SDCCAG8: variants seen among roughly 807,000 people sequenced by gnomAD.
The protein encoded by SDCCAG8 is serologically defined colon cancer antigen 8.
Under a neutral mutation model 101.8 loss-of-function variants are expected in SDCCAG8, and 74 were observed. The ratio of observed to expected loss-of-function variants is 0.73; its 90% CI spans 0.60 to 0.88. SDCCAG8 has a LOEUF of 0.88. Among genes scored for constraint, SDCCAG8 ranks in the 40% least tolerant of loss-of-function variants. The probability of loss-of-function intolerance (pLI) is 0.00; values close to 1 mark genes in which losing one functional copy is unlikely to be tolerated. For missense variants in SDCCAG8, 787 were observed against 822.6 expected (o/e 0.96, Z 0.53); for synonymous variants, 281 against 292.9 (o/e 0.96, Z 0.41).
chr1:243,367,888 C>T (rs914034528), intron 12 of SDCCAG8, among the ~76,000 whole-genome samples: 2 of 151,476 alleles, frequency 1.3e-5, no homozygotes, highest in Non-Finnish European at 1.5e-5. Context: ...ATTGGAATGT[C>T]AAGTACATGG....
chr1:243,386,781 G>A (rs2078329328), intron 13 of SDCCAG8, among the ~76,000 whole-genome samples: 2 of 151,834 alleles, frequency 1.3e-5, no homozygotes, highest in African/African-American at 4.8e-5. Flanking sequence ...GAGAGAGAGA[G>A]AGAGAGAGAA....
intron 17 of SDCCAG8, among the ~76,000 whole-genome samples, chr1:243,497,225 CA>C (rs1397640716): frequency 2.0e-5 from 3 of 150,864 alleles, no homozygotes; most frequent in African/African-American, 7.3e-5. Flanking sequence ...TGTGTGTTAC[CA>C]AAGAGTCAGC....
At position 243,378,853 on chromosome 1, in the gene SDCCAG8, C is replaced by T. The variant is rs1451546982; in HGVS notation, c.1606C>T (p.His536Tyr). ...ELLGESEHQL[H>Y]LTRQEKDSIQ... ...GCTGGGCGAATCTGAGCACCAACTGCACCTCACCAGGTACTCCCTAATCCC... is the reference window on the plus strand; with the variant it reads ...GCTGGGCGAATCTGAGCACCAACTGTACCTCACCAGGTACTCCCTAATCCC... Residue 536 changes from histidine to tyrosine, a missense_variant, in exon 13 of 18, where the codon CAC becomes TAC. Coordinates refer to ENST00000366541, the MANE Select transcript of SDCCAG8 (RefSeq NM_006642.5). 1.2e-6 allele frequency: 2 copies of T among 1,614,050 alleles called. No individual in the cohort carries two copies. Among genetic ancestry groups the T allele is most frequent in the South Asian group, 2.2e-5 (2 of 91,084 alleles).
At chr1:243,354,653 G>C (rs1276401635) in intron 12 of SDCCAG8, among the ~76,000 whole-genome samples, 1 of 152,156 alleles carries the variant, frequency 6.6e-6, no homozygotes, top group Non-Finnish European at 1.5e-5. Context: ...ATGATGATCA[G>C]GAATACATTG....
chr1:243,492,258 T>C (rs1242824359), intron 17 of SDCCAG8, among the ~76,000 whole-genome samples: 2 of 148,546 alleles, frequency 1.3e-5, no homozygotes, highest in Non-Finnish European at 1.5e-5. Context: ...TGGGCAGGAC[T>C]CAGGGCACTG....
intron 6 of SDCCAG8, among the ~76,000 whole-genome samples, chr1:243,296,561 G>C (rs1306940207): frequency 5.7e-4 from 1 of 1,766 alleles, no homozygotes. Context: ...TTTTTTTTTT[G>C]AGACGGAGTC....
At chr1:243,267,882 T>C (rs1266774581) in intron 1 of SDCCAG8, 4 of 1,156,718 alleles carry the variant, frequency 3.5e-6, no homozygotes, top group Non-Finnish European at 5.2e-6. Context: ...TTGGCTTTTA[T>C]GGAAAAGTTG....
chr1:243,310,511 T>A (rs1400384937), intron 8 of SDCCAG8, among the ~76,000 whole-genome samples: 1 of 152,056 alleles, frequency 6.6e-6, no homozygotes, highest in Admixed American at 6.6e-5. Context: ...TCATGGTAGT[T>A]TAAAGGCTCA....
At chr1:243,286,482 T>C in intron 5 of SDCCAG8, 85 bp downstream of exon 5, 7 of 1,466,232 alleles carry the variant, frequency 4.8e-6, no homozygotes, top group Non-Finnish European at 6.6e-6. Flanking sequence ...GCTGCTTAGA[T>C]TTTCTCCCTG....
At chr1:243,322,725 C>T (rs1438640104) in intron 9 of SDCCAG8, among the ~76,000 whole-genome samples, 1 of 152,004 alleles carries the variant, frequency 6.6e-6, no homozygotes, top group Non-Finnish European at 1.5e-5. Context: ...CTTATCTTTC[C>T]AGCTTACCTA....
intron 13 of SDCCAG8, among the ~76,000 whole-genome samples, chr1:243,389,464 C>A (rs1259908230): frequency 5.9e-5 from 9 of 152,142 alleles, no homozygotes; most frequent in Non-Finnish European, 4.4e-5. Flanking sequence ...CCCATGATGG[C>A]TGCTTGTTAG....
Position 243,426,570 on chromosome 1 carries a change from T to G in SDCCAG8, c.1985+12T>G. The G allele has an allele frequency of 6.2e-7, 1 of 1,613,856 alleles. No individual in the cohort carries two copies. Among genetic ancestry groups the G allele is most frequent in the Non-Finnish European group, 8.5e-7 (1 of 1,179,844 alleles). On this transcript the variant is annotated intron_variant, in intron 16 of 17. Coordinates refer to ENST00000366541, the MANE Select transcript of SDCCAG8 (RefSeq NM_006642.5). ...ACGATGAAGCAAAGGTAATCAAGGT[T>G]TCATGTCAACTCATGTGCCGCATAT...
chr1:243,363,585 A>AT (rs1436531235), intron 12 of SDCCAG8, among the ~76,000 whole-genome samples: 4 of 152,092 alleles, frequency 2.6e-5, no homozygotes, highest in South Asian at 4.1e-4. Flanking sequence ...TCTTAAAATC[A>AT]TTTTTTTGAG....
intron 16 of SDCCAG8, among the ~76,000 whole-genome samples, chr1:243,454,567 G>A (rs978975542): frequency 2.0e-5 from 3 of 152,258 alleles, no homozygotes; most frequent in African/African-American, 7.2e-5. Context: ...GGAAGAGGTC[G>A]CCGTTTTTGA....
chr1:243,401,570 C>T (rs556018169), intron 13 of SDCCAG8, among the ~76,000 whole-genome samples: 2 of 152,350 alleles, frequency 1.3e-5, no homozygotes, highest in East Asian at 1.9e-4. Context: ...ATTTTATTTA[C>T]ATTCACTTAT....
At chr1:243,480,773 T>G (rs1574303109) in intron 16 of SDCCAG8, among the ~76,000 whole-genome samples, 2 of 68,268 alleles carry the variant, frequency 2.9e-5, no homozygotes, top group African/African-American at 6.0e-5. Context: ...GATGGATGGG[T>G]GGGATGGATG....
intron 12 of SDCCAG8, among the ~76,000 whole-genome samples, chr1:243,366,891 T>A (rs985283824): frequency 6.6e-6 from 1 of 152,114 alleles, no homozygotes; most frequent in African/African-American, 2.4e-5. Flanking sequence ...GGATCATATA[T>A]ATATGTATAA....
intron 12 of SDCCAG8, among the ~76,000 whole-genome samples, chr1:243,346,561 G>C (rs1241820062): frequency 1.3e-5 from 2 of 152,198 alleles, no homozygotes; most frequent in Non-Finnish European, 2.9e-5. Flanking sequence ...TAGGGCAAAT[G>C]GTTAACCACC....
At chr1:243,494,236 C>G (rs1046588572) in intron 17 of SDCCAG8, among the ~76,000 whole-genome samples, 1 of 151,934 alleles carries the variant, frequency 6.6e-6, no homozygotes, top group Non-Finnish European at 1.5e-5. Flanking sequence ...TTGTTTTTAT[C>G]CTGATTTTCA....
Sources: allele counts gnomAD v4.1 joint callset (sites outside exome capture counted in the v4.1 genomes callset), GRCh38; gene constraint gnomAD v4.1.1; transcripts MANE v1.5; gene names NCBI Gene and HGNC (gene_info 2026-07-23, HGNC 2026-07-21).